The following MAP2 variants were observed in gnomAD, a reference collection of about 807,000 sequenced individuals.
The protein encoded by MAP2 is microtubule associated protein 2.
In MAP2, 14 loss-of-function variants were observed where a neutral mutation model predicts 137.6. The observed-to-expected ratio is 0.10, with a 90% confidence interval of 0.07 to 0.16. The LOEUF is 0.16. Ranked by LOEUF, MAP2 falls within the 10% of genes least tolerant of loss-of-function variation. The pLI is 1.00. For synonymous variants in MAP2, 786 were observed against 782.3 expected, an observed-to-expected ratio of 1.00 and a Z score of -0.08; for missense variants, 2,088 against 2,191.5, an observed-to-expected ratio of 0.95 and a Z score of 0.94.
intron 1 of MAP2, among the ~76,000 whole-genome samples, chr2:209,495,275 G>A (rs776499863): frequency 1.3e-5 from 2 of 152,244 alleles, no homozygotes; most frequent in African/African-American, 2.4e-5. Context: ...CGACTTAAAC[G>A]TTCCTGCCTG....
intron 1 of MAP2, among the ~76,000 whole-genome samples, chr2:209,486,328 A>C (rs2058373125): frequency 6.6e-6 from 1 of 151,936 alleles, no homozygotes; most frequent in African/African-American, 2.4e-5. Flanking sequence ...CCCAGATTCA[A>C]GTGATTCCCC....
chr2:209,508,585 CA>C (rs1362519143), intron 2 of MAP2, among the ~76,000 whole-genome samples: 10 of 6,912 alleles, frequency 1.4e-3, no homozygotes, highest in Middle Eastern at 0.1. Flanking sequence ...CTCTCTGTCC[CA>C]CACACACACA....
chr2:209,694,927 G>A lies in MAP2; in HGVS notation c.2757G>A (p.Leu919=). 2 of 1,614,158 alleles carry A rather than the reference G, an allele frequency of 1.2e-6. No homozygotes were observed. The highest frequency in any genetic ancestry group is 1.7e-6 in the Non-Finnish European group (2 of 1,180,022). Residue 919 remains leucine (L), a synonymous_variant, in exon 8 of 16, where the codon CTG becomes CTA. Coordinates refer to ENST00000682079, the MANE Select transcript of MAP2 (RefSeq NM_001375505.1). The part of the protein sequence containing the change: ...ATDLSLIEVK[L]AAAGRVKDEF... ...ACCTTTCACTGATTGAAGTGAAACT[G>A]GCAGCAGCCGGAAGAGTCAAAGATG...
intron 2 of MAP2, among the ~76,000 whole-genome samples, chr2:209,554,823 G>A (rs2070143137): frequency 6.7e-6 from 1 of 150,032 alleles, no homozygotes; most frequent in Non-Finnish European, 1.5e-5. Flanking sequence ...TTCGGTAGCA[G>A]GTAAACTGTT....
intron 7 of MAP2, chr2:209,684,573 G>T (rs1216292863): frequency 6.6e-6 from 1 of 152,176 alleles, no homozygotes; most frequent in Non-Finnish European, 1.5e-5. Context: ...CCTTACATTA[G>T]CCCAGTGTAA....
chr2:209,520,551 A>G (rs1576974235), intron 2 of MAP2, among the ~76,000 whole-genome samples: 1 of 152,088 alleles, frequency 6.6e-6, no homozygotes, highest in African/African-American at 2.4e-5. Flanking sequence ...TAATCTTTCC[A>G]GCAGAAATAT....
At chr2:209,528,488 T>G (rs1220878828) in intron 2 of MAP2, among the ~76,000 whole-genome samples, 1 of 151,986 alleles carries the variant, frequency 6.6e-6, no homozygotes, top group Non-Finnish European at 1.5e-5. Flanking sequence ...TGCTTTTTTA[T>G]TAAAACCACT....
chr2:209,477,226 A>C (rs1707475572), intron 1 of MAP2, among the ~76,000 whole-genome samples: 2 of 152,206 alleles, frequency 1.3e-5, no homozygotes, highest in Non-Finnish European at 2.9e-5. Flanking sequence ...CATATACAAA[A>C]AATTAACGAT....
intron 5 of MAP2, among the ~76,000 whole-genome samples, chr2:209,656,955 T>C (rs1439085655): frequency 1.3e-5 from 2 of 152,160 alleles, no homozygotes; most frequent in African/African-American, 4.8e-5. Context: ...GAGTCTCCAA[T>C]GTCTATTATT....
chr2:209,648,354 C>T (rs1327840526), intron 4 of MAP2, among the ~76,000 whole-genome samples: 2 of 152,074 alleles, frequency 1.3e-5, no homozygotes, highest in African/African-American at 4.8e-5. Context: ...CCGACTTGGC[C>T]TACCAAAGTG....
intron 4 of MAP2, among the ~76,000 whole-genome samples, chr2:209,650,602 G>C (rs959781142): frequency 5.9e-5 from 9 of 152,146 alleles, no homozygotes; most frequent in Non-Finnish European, 2.9e-5. Context: ...CCCTGGATCA[G>C]ATCCTGAAAC....
chr2:209,575,244 G>A (rs577809658), intron 2 of MAP2, among the ~76,000 whole-genome samples: 14 of 152,144 alleles, frequency 9.2e-5, no homozygotes, highest in Non-Finnish European at 8.8e-5. Context: ...AAGGAAGGCC[G>A]GGTGCGCTGG....
intron 2 of MAP2, among the ~76,000 whole-genome samples, chr2:209,525,321 G>T (rs542528725): frequency 6.6e-6 from 1 of 151,962 alleles, no homozygotes; most frequent in Non-Finnish European, 1.5e-5. Context: ...TAGAAATGAC[G>T]TCTTCTAATT....
chr2:209,575,993 T>C (rs75036621), intron 2 of MAP2, among the ~76,000 whole-genome samples: 1,658 of 152,214 alleles, frequency 0.011, 32 homozygotes, highest in African/African-American at 0.037. Flanking sequence ...GGAAGATAAG[T>C]CTCCATTATT....
rs1471819238 is a variant in MAP2 at position 209,534,968 on chromosome 2, A to T, written c.-172+27327A>T. Among the ~76,000 whole-genome samples the T allele has an allele frequency of 6.3e-5, 4 of 63,130 alleles. No individual in the cohort carries two copies. In the East Asian group the frequency reaches 1.4e-3, roughly 23 times the overall value. 41.4% of individuals were successfully genotyped at this position (63,130 alleles called of 152,430 possible). A position where few individuals can be genotyped will look rare whatever the true frequency, so the allele number is the denominator to read the frequency against. On this transcript the variant is annotated intron_variant, in intron 2 of 15. Transcript: ENST00000682079. ...ATTATAAAATCCAGTGGTTTTTAGT[A>T]TATTAACAGATATGTGCACCATTGC...
At chr2:209,489,218 C>G (rs1240707806) in intron 1 of MAP2, among the ~76,000 whole-genome samples, 1 of 152,108 alleles carries the variant, frequency 6.6e-6, no homozygotes, top group Non-Finnish European at 1.5e-5. Context: ...AGAAGGAAAA[C>G]TAACAAACAG....
Position 209,730,401 on chromosome 2 carries a change from T to C in MAP2, c.*4T>C. 6.2e-7 allele frequency: 1 copy of C among 1,610,108 alleles called. No homozygotes were observed. The stretch of plus-strand genomic sequence containing the variant: ...ACTCGCTAAGCAGGGCTTGTGAATA[T>C]TTCTCATTTAGCATTGAAATAATAA... On this transcript the variant is annotated 3_prime_UTR_variant, in exon 16 of 16. Transcript: ENST00000682079.
intron 5 of MAP2, among the ~76,000 whole-genome samples, chr2:209,669,818 T>C (rs1476190348): frequency 1.3e-5 from 2 of 151,716 alleles, no homozygotes; most frequent in Non-Finnish European, 3.0e-5. Context: ...AAATTGCTTT[T>C]CCACAAACCC....
At chr2:209,723,390 G>A (rs2072212466) in intron 13 of MAP2, among the ~76,000 whole-genome samples, 1 of 152,074 alleles carries the variant, frequency 6.6e-6, no homozygotes, top group African/African-American at 2.4e-5. Context: ...AGCCTCTCTC[G>A]CATTTGACCC....
Sources: allele counts gnomAD v4.1 joint callset (sites outside exome capture counted in the v4.1 genomes callset), GRCh38; gene constraint gnomAD v4.1.1; transcripts MANE v1.5; gene names NCBI Gene and HGNC (gene_info 2026-07-23, HGNC 2026-07-21).